Variants in KCNAB1 observed in about 807,000 individuals in gnomAD.
The protein encoded by KCNAB1 is potassium voltage-gated channel subfamily A regulatory beta subunit 1.
KCNAB1 carries 35 observed loss-of-function variants against 64.6 expected under a neutral mutation model. That is an observed-to-expected ratio of 0.54 (90% CI 0.41 to 0.72). The LOEUF (loss-of-function observed/expected upper bound fraction) is 0.72, where lower values mean the gene tolerates loss of function less well. KCNAB1 is among the 30% of genes least tolerant of loss of function. The pLI is 0.00. For synonymous variants in KCNAB1, 177 were observed against 183.8 expected (o/e 0.96, Z 0.30); for missense variants, 401 against 512.9 (o/e 0.78, Z 2.11).
chr3:156,341,952 A>G (rs111517011), intron 1 of KCNAB1, among the ~76,000 whole-genome samples: 2 of 152,290 alleles, frequency 1.3e-5, no homozygotes, highest in Admixed American at 6.5e-5. Flanking sequence ...CTATCAATTT[A>G]AAAAACAGTA....
At chr3:156,121,754 TAGTC>T (rs1472380748) in intron 1 of KCNAB1, among the ~76,000 whole-genome samples, 1 of 152,228 alleles carries the variant, frequency 6.6e-6, no homozygotes, top group African/African-American at 2.4e-5. Context: ...TCCAATTACG[TAGTC>T]AAAGTATGGA....
intron 8 of KCNAB1, 31 bp from the exon 9 acceptor site, chr3:156,514,333 C>G: frequency 4.5e-6 from 7 of 1,560,050 alleles, no homozygotes; most frequent in Non-Finnish European, 6.2e-6. Context: ...TAGACAAATT[C>G]ATGAAATGCT....
chr3:156,264,783 A>G (rs78956141), intron 1 of KCNAB1, among the ~76,000 whole-genome samples: 2,636 of 152,300 alleles, frequency 0.017, 50 homozygotes, highest in South Asian at 0.023. Flanking sequence ...GTCTTTTAAT[A>G]GTAAACTAAA....
intron 1 of KCNAB1, among the ~76,000 whole-genome samples, chr3:156,233,287 G>A (rs1716643049): frequency 6.6e-6 from 1 of 152,164 alleles, no homozygotes; most frequent in Non-Finnish European, 1.5e-5. Context: ...CAGAATGGAG[G>A]ATATGGGAGA....
chr3:156,263,176 A>G (rs1485422332), intron 1 of KCNAB1, among the ~76,000 whole-genome samples: 1 of 151,644 alleles, frequency 6.6e-6, no homozygotes, highest in Non-Finnish European at 1.5e-5. Context: ...GATTTTGTTT[A>G]CTTTTCACTT....
intron 1 of KCNAB1, among the ~76,000 whole-genome samples, chr3:156,388,375 A>G (rs1234712476): frequency 2.0e-5 from 3 of 152,214 alleles, no homozygotes; most frequent in Non-Finnish European, 4.4e-5. Context: ...TTCAAGGAGC[A>G]AAGAGCCTCA....
At chr3:156,391,535 CATTT>C in intron 1 of KCNAB1, among the ~76,000 whole-genome samples, 3 of 152,314 alleles carry the variant, frequency 2.0e-5, no homozygotes, top group Admixed American at 2.0e-4. Flanking sequence ...GAAAGTGCTT[CATTT>C]ATTTATCTCC....
chr3:156,265,576 G>C (rs1331759424), intron 1 of KCNAB1, among the ~76,000 whole-genome samples: 1 of 152,190 alleles, frequency 6.6e-6, no homozygotes, highest in Admixed American at 6.5e-5. Flanking sequence ...TCTGTGTGGG[G>C]TATGGGCAGG....
intron 1 of KCNAB1, among the ~76,000 whole-genome samples, chr3:156,296,635 G>A (rs1040588853): frequency 3.3e-5 from 5 of 151,878 alleles, no homozygotes; most frequent in Admixed American, 3.3e-4. Context: ...CACCATGCCT[G>A]GCTAATGTTT....
intron 1 of KCNAB1, among the ~76,000 whole-genome samples, chr3:156,403,449 C>A (rs1249485078): frequency 6.6e-6 from 1 of 152,112 alleles, no homozygotes; most frequent in African/African-American, 2.4e-5. Flanking sequence ...AGGGGTGAGC[C>A]CAGACAATTA....
chr3:156,392,146 C>G (rs527509163), intron 1 of KCNAB1, among the ~76,000 whole-genome samples: 2 of 152,266 alleles, frequency 1.3e-5, no homozygotes, highest in East Asian at 3.9e-4. Flanking sequence ...CTGCCACCAA[C>G]CACTGTAACA....
intron 2 of KCNAB1, among the ~76,000 whole-genome samples, chr3:156,447,815 T>C (rs1450891575): frequency 6.6e-6 from 1 of 152,268 alleles, no homozygotes; most frequent in Non-Finnish European, 1.5e-5. Context: ...GTATTAGTAC[T>C]GTACCCATGT....
chr3:156,470,128 T>C (rs1034053015), intron 7 of KCNAB1, among the ~76,000 whole-genome samples: 2 of 152,308 alleles, frequency 1.3e-5, no homozygotes, highest in African/African-American at 4.8e-5. Flanking sequence ...TTGAAAGAAT[T>C]CATATTGAAA....
At chr3:156,479,305 ATCT>A (rs1714612343) in intron 8 of KCNAB1, among the ~76,000 whole-genome samples, 1 of 152,062 alleles carries the variant, frequency 6.6e-6, no homozygotes, top group Non-Finnish European at 1.5e-5. Flanking sequence ...GTATTTCAAA[ATCT>A]TCTCTCGAGC....
intron 1 of KCNAB1, among the ~76,000 whole-genome samples, chr3:156,271,949 A>C (rs1236722827): frequency 6.6e-6 from 1 of 152,226 alleles, no homozygotes; most frequent in Non-Finnish European, 1.5e-5. Flanking sequence ...TGTAGTTCTT[A>C]TAGACTTGTA....
intron 2 of KCNAB1, among the ~76,000 whole-genome samples, chr3:156,428,952 G>A (rs1716024361): frequency 6.6e-6 from 1 of 152,214 alleles, no homozygotes; most frequent in Non-Finnish European, 1.5e-5. Flanking sequence ...TTAGGCAGCT[G>A]CTTCATGCTT....
intron 1 of KCNAB1, among the ~76,000 whole-genome samples, chr3:156,308,036 G>A (rs747691397): frequency 1.1e-4 from 17 of 152,256 alleles, no homozygotes; most frequent in Non-Finnish European, 2.2e-4. Flanking sequence ...TGTTTAGCAT[G>A]TCAGGAGGTG....
intron 1 of KCNAB1, among the ~76,000 whole-genome samples, chr3:156,314,105 C>A (rs1722114946): frequency 6.6e-6 from 1 of 152,222 alleles, no homozygotes; most frequent in Admixed American, 6.5e-5. Context: ...TTAGTAAACT[C>A]CTGCAGGGCA....
At chr3:156,262,996 A>G (rs1718512536) in intron 1 of KCNAB1, among the ~76,000 whole-genome samples, 1 of 151,852 alleles carries the variant, frequency 6.6e-6, no homozygotes. Context: ...CAGAAGTTAT[A>G]TCCCCCTTTT....
Sources: allele counts gnomAD v4.1 joint callset (sites outside exome capture counted in the v4.1 genomes callset), GRCh38; gene constraint gnomAD v4.1.1; transcripts MANE v1.5; gene names NCBI Gene and HGNC (gene_info 2026-07-23, HGNC 2026-07-21).